Variants in SYNPO observed in about 807,000 individuals in gnomAD.
The protein encoded by SYNPO is synaptopodin.
Under a neutral mutation model 49.5 loss-of-function variants are expected in SYNPO, and 19 were observed. The observed-to-expected ratio is 0.38, with a 90% CI of 0.27 to 0.56. SYNPO has a LOEUF of 0.56. SYNPO is among the 20% of genes least tolerant of loss of function. The probability of loss-of-function intolerance (pLI) is 0.68; values close to 1 mark genes in which losing one functional copy is unlikely to be tolerated. For missense variants in SYNPO, 1,131 were observed against 1,248.3 expected (o/e 0.91, Z 1.42); for synonymous variants, 536 against 548.0 (o/e 0.98, Z 0.31).
chr5:150,602,211 C>A (rs979851865), intron 1 of SYNPO, among the ~76,000 whole-genome samples: 1 of 152,182 alleles, frequency 6.6e-6, no homozygotes, highest in Non-Finnish European at 1.5e-5. Context: ...AAGGAATGAG[C>A]CTTACTGGGC....
chr5:150,596,664 G>A (rs1490251485), upstream of SYNPO, among the ~76,000 whole-genome samples: 3 of 152,032 alleles, frequency 2.0e-5, no homozygotes, highest in Non-Finnish European at 4.4e-5. Flanking sequence ...AGGTTCCTGG[G>A]CCAGTGATCT....
intron 2 of SYNPO, among the ~76,000 whole-genome samples, chr5:150,628,146 A>T (rs949881327): frequency 6.6e-6 from 1 of 151,986 alleles, no homozygotes; most frequent in African/African-American, 2.4e-5. Context: ...GTCAACATGG[A>T]AGCAGCCTGT....
At position 150,657,241 on chromosome 5, in the gene SYNPO, C is replaced by CT. The variant is rs1758606662; in HGVS notation, c.*156dup. 1 of 803,090 alleles carries CT rather than the reference C, an allele frequency of 1.2e-6. No individual in the cohort carries two copies. The highest frequency in any genetic ancestry group is 1.9e-6 in the Non-Finnish European group (1 of 522,296). The allele number at this position is 803,090 out of a possible 1,614,324, so 49.7% of individuals were successfully genotyped here. ...GTTGGGGATGGGTTAGGGACGCAAG[C>CT]TTGAGTTCTAGCCCTTGCTCTCATT... On this transcript the variant is annotated 3_prime_UTR_variant, in exon 3 of 3. Transcript: ENST00000307662.
At chr5:150,628,338 G>T (rs12659003) in intron 2 of SYNPO, among the ~76,000 whole-genome samples, 1 of 152,060 alleles carries the variant, frequency 6.6e-6, no homozygotes, top group South Asian at 2.1e-4. Context: ...GGGTTGCTGC[G>T]GGTGGAACAA....
intron 1 of SYNPO, among the ~76,000 whole-genome samples, chr5:150,601,787 C>T (rs1192420949): frequency 6.6e-6 from 1 of 152,180 alleles, no homozygotes; most frequent in Non-Finnish European, 1.5e-5. Flanking sequence ...TGTGCAGAGA[C>T]TCCCTTGTGA....
Position 150,656,755 on chromosome 5 carries a change from C to G in SYNPO, c.2380C>G (p.Pro794Ala). The change falls in exon 3 of 3, where the codon CCG becomes GCG. Residue 794 changes from proline (P) to alanine (A), a missense_variant. Coordinates refer to ENST00000307662, the MANE Select transcript of SYNPO (RefSeq NM_007286.6). ...GCCGAGGGCGCCACCGCCCCCGCCC[C>G]CGCCCCCGCCCCCGCCCCCGCGCAT... is the stretch of plus-strand genomic sequence containing the variant. Reference protein sequence around the residue: ...SPPRAPPPPPPPPPPPPRMRS... With the variant: ...SPPRAPPPPPAPPPPPPRMRS... The G allele has an allele frequency of 1.7e-6, 2 of 1,197,476 alleles. No homozygotes were observed. The highest frequency in any genetic ancestry group is 2.1e-6 in the Non-Finnish European group (2 of 972,480). 74.2% of individuals were successfully genotyped at this position (1,197,476 alleles called of 1,614,324 possible). A position where few individuals can be genotyped will look rare whatever the true frequency, so the allele number is the denominator to read the frequency against.
intron 1 of SYNPO, chr5:150,617,759 T>A (rs1284868639): frequency 6.6e-6 from 1 of 152,238 alleles, no homozygotes; most frequent in African/African-American, 2.4e-5. Flanking sequence ...AATAACTAGA[T>A]ATTTATTTAA....
chr5:150,586,428 G>A, the SYNPO span, among the ~76,000 whole-genome samples: 4 of 152,150 alleles, frequency 2.6e-5, no homozygotes, highest in South Asian at 2.1e-4. Context: ...AGGGAAGCCC[G>A]CCCTGATACC....
At position 150,656,757 on chromosome 5, in the gene SYNPO, GC is replaced by G. The variant is rs1277416972; in HGVS notation, c.2387del (p.Pro796ArgfsTer143). On this transcript the variant is annotated frameshift_variant, in exon 3 of 3. Coordinates refer to ENST00000307662, the MANE Select transcript of SYNPO (RefSeq NM_007286.6). LOFTEE classifies it low-confidence loss of function (END_TRUNC). ...PPRAPPPPPPPPPPPPRMRSP... is the reference protein window; with the variant it reads ...PPRAPPPPPPXPPPPPRMRSP... Reference sequence around the variant, plus strand: ...CGAGGGCGCCACCGCCCCCGCCCCCGCCCCCGCCCCCGCCCCCGCGCATGCG... The same window carrying G: ...CGAGGGCGCCACCGCCCCCGCCCCCGCCCCGCCCCCGCCCCCGCGCATGCG... 17 of 384,028 alleles carry G rather than the reference GC, an allele frequency of 4.4e-5. No homozygotes were observed. Among genetic ancestry groups the G allele is most frequent in the African/African-American group, 5.9e-5 (1 of 16,920 alleles). 23.8% of individuals were successfully genotyped at this position (384,028 alleles called of 1,614,324 possible).
At chr5:150,638,348 G>A (rs1387142049), upstream of SYNPO, among the ~76,000 whole-genome samples, 2 of 152,030 alleles carry the variant, frequency 1.3e-5, no homozygotes, top group Non-Finnish European at 2.9e-5. Flanking sequence ...CCTCACAAAC[G>A]TGTTGCTCTC....
intron 2 of SYNPO, among the ~76,000 whole-genome samples, chr5:150,629,825 A>G (rs74698962): frequency 0.055 from 8,321 of 152,224 alleles, 533 homozygotes; most frequent in East Asian, 0.26. Context: ...ACTGAGGCAC[A>G]GAGAAGTTGG....
chr5:150,643,913 G>A (rs1321325200), intron 1 of SYNPO, among the ~76,000 whole-genome samples: 1 of 152,042 alleles, frequency 6.6e-6, no homozygotes, highest in African/African-American at 2.4e-5. Flanking sequence ...GGTGGCTCAC[G>A]CCTGTAATCC....
intron 2 of SYNPO, among the ~76,000 whole-genome samples, chr5:150,635,018 G>A (rs550646722): frequency 1.5e-4 from 23 of 152,328 alleles, no homozygotes; most frequent in African/African-American, 4.6e-4. Context: ...CCATACCATC[G>A]GTGCATTGTC....
At chr5:150,595,094 A>G in the SYNPO span, among the ~76,000 whole-genome samples, 2 of 152,206 alleles carry the variant, frequency 1.3e-5, no homozygotes, top group Non-Finnish European at 2.9e-5. Flanking sequence ...TGCTGTTGCA[A>G]GACTTCTCAG....
In SYNPO at chr5:150,640,868, G is replaced by A. The variant is rs897990912; in HGVS notation, c.-333+14G>A. The A allele has an allele frequency of 1.3e-4, 131 of 985,050 alleles. No homozygotes were observed. Among genetic ancestry groups the A allele is most frequent in the Non-Finnish European group, 1.5e-4 (125 of 829,536 alleles). 61.0% of individuals were successfully genotyped at this position (985,050 alleles called of 1,614,324 possible). A position where few individuals can be genotyped will look rare whatever the true frequency, so the allele number is the denominator to read the frequency against. Reference sequence around the variant, plus strand: ...GGACCTAGCAGAGTGAGTAAGATGAGCACCCGGAGGTGCCTTTGTGGCTTG... The same window carrying A: ...GGACCTAGCAGAGTGAGTAAGATGAACACCCGGAGGTGCCTTTGTGGCTTG... On this transcript the variant is annotated intron_variant, in intron 1 of 2. Coordinates refer to ENST00000307662, the MANE Select transcript of SYNPO (RefSeq NM_007286.6).
intron 1 of SYNPO, among the ~76,000 whole-genome samples, chr5:150,613,672 T>TAG (rs1299882368): frequency 1.3e-5 from 2 of 152,144 alleles, no homozygotes; most frequent in African/African-American, 4.8e-5. Context: ...GGAGGTCAGG[T>TAG]AGAGAGCCAT....
At chr5:150,587,100 A>G in the SYNPO span, among the ~76,000 whole-genome samples, 2 of 152,098 alleles carry the variant, frequency 1.3e-5, no homozygotes, top group African/African-American at 4.8e-5. Context: ...ATATGGATAC[A>G]TGGATGTATA....
intron 1 of SYNPO, among the ~76,000 whole-genome samples, chr5:150,644,458 T>A (rs1246367830): frequency 6.6e-6 from 1 of 152,252 alleles, no homozygotes; most frequent in Admixed American, 6.5e-5. Context: ...CAATCCCCTG[T>A]GCTAGAAGAG....
At chr5:150,600,191 C>T (rs1194729893), upstream of SYNPO, among the ~76,000 whole-genome samples, 2 of 152,362 alleles carry the variant, frequency 1.3e-5, no homozygotes, top group African/African-American at 2.4e-5. Flanking sequence ...GAGGGAGGCT[C>T]CTGCACCTGA....
Sources: gnomAD v4.1 joint callset for allele counts (sites outside exome capture counted in the v4.1 genomes callset) on GRCh38, gnomAD v4.1.1 for gene constraint, MANE v1.5 for transcripts, NCBI Gene and HGNC (gene_info 2026-07-23, HGNC 2026-07-21) for gene names.